Variants in HSD17B12 observed in about 807,000 individuals in gnomAD.
HSD17B12 encodes very-long-chain 3-oxoacyl-CoA reductase.
Under a neutral mutation model 39.3 loss-of-function variants are expected in HSD17B12, and 32 were observed. That is an observed-to-expected ratio of 0.81 (90% CI 0.61 to 1.09). The LOEUF (loss-of-function observed/expected upper bound fraction) is 1.09. HSD17B12 is among the 50% of genes least tolerant of loss of function. The pLI is 0.00. For synonymous variants in HSD17B12, 150 were observed against 146.7 expected, an observed-to-expected ratio of 1.02 and a Z score of -0.16; for missense variants, 342 against 382.9, an observed-to-expected ratio of 0.89 and a Z score of 0.89.
intron 3 of HSD17B12, among the ~76,000 whole-genome samples, chr11:43,784,583 A>G (rs1950798775): frequency 6.6e-6 from 1 of 152,000 alleles, no homozygotes; most frequent in South Asian, 2.1e-4. Context: ...ACAGAGTGAT[A>G]GTGATTCATG....
the HSD17B12 span, chr11:43,579,579 C>T: frequency 6.6e-6 from 1 of 152,200 alleles, no homozygotes; most frequent in African/African-American, 2.4e-5. Context: ...GGTAGTCGGT[C>T]GGCTCACGGG....
the HSD17B12 span, among the ~76,000 whole-genome samples, chr11:43,636,278 AAGCCTTT>A: frequency 1.3e-5 from 2 of 152,180 alleles, no homozygotes; most frequent in African/African-American, 4.8e-5. Flanking sequence ...AGTAGACCGG[AAGCCTTT>A]AGTAGGCTTG....
chr11:43,627,940 A>G, the HSD17B12 span, among the ~76,000 whole-genome samples: 1 of 151,984 alleles, frequency 6.6e-6, no homozygotes. Context: ...TAAAATAAAT[A>G]TTACAAAGTA....
chr11:43,786,064 T>C (rs1166191837), intron 3 of HSD17B12, among the ~76,000 whole-genome samples: 1 of 152,220 alleles, frequency 6.6e-6, no homozygotes, highest in East Asian at 1.9e-4. Context: ...TGCTTGTTTT[T>C]CTTGAAGTGA....
chr11:43,802,467 C>T (rs1399548453), intron 4 of HSD17B12, among the ~76,000 whole-genome samples: 2 of 152,110 alleles, frequency 1.3e-5, no homozygotes, highest in Non-Finnish European at 2.9e-5. Context: ...AGACTAGCCA[C>T]ACTTTCAGTG....
chr11:43,619,219 TATATATATGATATATATATATATAAA>T, the HSD17B12 span, among the ~76,000 whole-genome samples: 13 of 43,232 alleles, frequency 3.0e-4, no homozygotes, highest in Admixed American at 9.5e-4. Flanking sequence ...ATATAAAATA[TATATATATGATATATATATATATAAA>T]ATATATATAT....
At chr11:43,838,819 A>G (rs1010275151) in intron 8 of HSD17B12, among the ~76,000 whole-genome samples, 2 of 152,150 alleles carry the variant, frequency 1.3e-5, no homozygotes, top group Non-Finnish European at 2.9e-5. Flanking sequence ...CATCTAGTCA[A>G]TGTGTAAATG....
At chr11:43,672,205 C>G in the HSD17B12 span, among the ~76,000 whole-genome samples, 1 of 152,148 alleles carries the variant, frequency 6.6e-6, no homozygotes, top group Non-Finnish European at 1.5e-5. Context: ...CCCGCCACCA[C>G]GCCCGGCTAA....
At chr11:43,672,138 TC>T in the HSD17B12 span, among the ~76,000 whole-genome samples, 1 of 152,112 alleles carries the variant, frequency 6.6e-6, no homozygotes, top group African/African-American at 2.4e-5. Flanking sequence ...AAGCTCTGCC[TC>T]CCGGGTTCAC....
intron 9 of HSD17B12, among the ~76,000 whole-genome samples, chr11:43,851,049 A>G (rs916898813): frequency 2.6e-5 from 4 of 152,170 alleles, no homozygotes; most frequent in African/African-American, 9.7e-5. Flanking sequence ...TGACAGAGCG[A>G]GGCTCCATCT....
chr11:43,727,605 C>T (rs1470444327), intron 1 of HSD17B12, among the ~76,000 whole-genome samples: 1 of 152,054 alleles, frequency 6.6e-6, no homozygotes, highest in African/African-American at 2.4e-5. Flanking sequence ...CAGGCACACA[C>T]CACCCTACCT....
chr11:43,669,588 C>G, the HSD17B12 span, among the ~76,000 whole-genome samples: 1,106 of 152,266 alleles, frequency 7.3e-3, 9 homozygotes, highest in African/African-American at 0.025. Context: ...GCCATGCCCT[C>G]TCTGCAGGTT....
intron 3 of HSD17B12, among the ~76,000 whole-genome samples, chr11:43,757,656 A>ACAAAACAAAAC (rs1255275208): frequency 2.8e-5 from 4 of 142,504 alleles, no homozygotes; most frequent in Non-Finnish European, 6.1e-5. Context: ...AAAAAAAAAA[A>ACAAAACAAAAC]AAAAAAAAAA....
the HSD17B12 span, among the ~76,000 whole-genome samples, chr11:43,601,193 A>G: frequency 9.4e-4 from 142 of 151,606 alleles, 1 homozygote; most frequent in African/African-American, 3.3e-3. Context: ...CTGTTGTTAT[A>G]TCATCTTATG....
chr11:43,674,059 T>G, the HSD17B12 span, among the ~76,000 whole-genome samples: 6 of 152,322 alleles, frequency 3.9e-5, no homozygotes, highest in Middle Eastern at 3.4e-3. Context: ...GCATAATAAT[T>G]AAATCTATAC....
At chr11:43,823,357 A>G (rs76722737) in intron 6 of HSD17B12, among the ~76,000 whole-genome samples, 2,144 of 152,214 alleles carry the variant, frequency 0.014, 68 homozygotes, top group African/African-American at 0.047. Context: ...TGTAACGTCA[A>G]ACTACTGGGC....
chr11:43,591,720 CT>C, the HSD17B12 span, among the ~76,000 whole-genome samples: 13 of 150,744 alleles, frequency 8.6e-5, no homozygotes, highest in African/African-American at 2.2e-4. Flanking sequence ...TTTTGTGTTT[CT>C]TTTTTTTTGT....
At chr11:43,678,613 A>G (rs908500709), upstream of HSD17B12, among the ~76,000 whole-genome samples, 5 of 152,126 alleles carry the variant, frequency 3.3e-5, no homozygotes, top group African/African-American at 4.8e-5. Context: ...ATTTTTGTAT[A>G]AGGTGTAAGG....
chr11:43,626,041 G>T, the HSD17B12 span, among the ~76,000 whole-genome samples: 1 of 151,408 alleles, frequency 6.6e-6, no homozygotes, highest in African/African-American at 2.4e-5. Flanking sequence ...TTAGTTAAAA[G>T]TTTTATTTTC....
Sources: allele counts gnomAD v4.1 joint callset (sites outside exome capture counted in the v4.1 genomes callset), GRCh38; gene constraint gnomAD v4.1.1; transcripts MANE v1.5; gene names NCBI Gene and HGNC (gene_info 2026-07-23, HGNC 2026-07-21).